FSD1: variants seen among roughly 807,000 people sequenced by gnomAD.
FSD1 encodes fibronectin type III and SPRY domain-containing protein 1.
FSD1 carries 23 observed loss-of-function variants against 58.2 expected under a neutral mutation model. The observed-to-expected ratio is 0.40, with a 90% CI of 0.28 to 0.56. FSD1 has a LOEUF of 0.56. FSD1 is among the 20% of genes least tolerant of loss of function. The pLI is 0.54. For missense variants in FSD1, 563 were observed against 670.8 expected (o/e 0.84, Z 1.78); for synonymous variants, 265 against 263.4 (o/e 1.01, Z -0.06).
At chr19:4,318,166 T>C (rs988100157) in intron 8 of FSD1, among the ~76,000 whole-genome samples, 180 bp from the exon 9 acceptor site, 7 of 151,562 alleles carry the variant, frequency 4.6e-5, no homozygotes, top group Non-Finnish European at 7.4e-5. Flanking sequence ...TCCATCTCTA[T>C]ATCTGTCTCT....
intron 10 of FSD1, 129 bp from the exon 11 acceptor site, chr19:4,322,857 C>G (rs985771996): frequency 1.7e-6 from 2 of 1,165,110 alleles, no homozygotes; most frequent in African/African-American, 3.1e-5. Flanking sequence ...AGCTAGGAAC[C>G]TGGGGAGTGT....
intron 6 of FSD1, chr19:4,311,596 A>G (rs535215493): frequency 1.3e-5 from 6 of 453,772 alleles, no homozygotes; most frequent in South Asian, 4.4e-5. Flanking sequence ...AGGCAGGAGA[A>G]TCGCTTGAAC....
At position 4,311,763 on chromosome 19, in the gene FSD1, T is replaced by C; in HGVS notation, c.491-79T>C. The C allele has an allele frequency of 6.0e-6, 8 of 1,336,536 alleles. No individual in the cohort carries two copies. In the South Asian group the frequency reaches 6.0e-5, roughly 10 times the overall value. The allele number at this position is 1,336,536 out of a possible 1,614,324, so 82.8% of individuals were successfully genotyped here. ...CCCCCAAAATTGTCCAACATGTGGT[T>C]GGGCAGCCCTGCAGCAAGCCCCCTG... On this transcript the variant is annotated intron_variant, in intron 6 of 12. Transcript: ENST00000221856.
chr19:4,312,174 G>T, intron 7 of FSD1, 123 bp downstream of exon 7: 1 of 841,526 alleles, frequency 1.2e-6, no homozygotes, highest in Non-Finnish European at 1.8e-6. Flanking sequence ...TCTGGAAGCA[G>T]CCTGGGGAGG....
intron 3 of FSD1, among the ~76,000 whole-genome samples, chr19:4,307,227 G>A (rs1971632638): frequency 6.6e-6 from 1 of 151,418 alleles, no homozygotes; most frequent in South Asian, 2.1e-4. Flanking sequence ...GCTCATTTTT[G>A]TATTTTTTGG....
rs1378430978 is a variant in FSD1, at chr19:4,310,302, C to T, written c.368+7C>T. On this transcript the variant is annotated splice_region_variant and intron_variant, in intron 5 of 12. Transcript: ENST00000221856. ...CCAAGCAAATCAAAGATGGGTAAGA[C>T]ACTGGGGTCTGGCCCCCACCCCACT... 1.9e-6 allele frequency: 3 copies of T among 1,613,938 alleles called. No individual in the cohort carries two copies. The highest frequency in any genetic ancestry group is 2.5e-6 in the Non-Finnish European group (3 of 1,179,878).
intron 3 of FSD1, 144 bp downstream of exon 3, chr19:4,306,473 T>TC: frequency 1.2e-5 from 3 of 246,542 alleles, no homozygotes; most frequent in South Asian, 1.0e-4. Context: ...ACACTCTCTC[T>TC]TTTTTTTTTT....
At chr19:4,308,237 A>C (rs1971645072) in intron 4 of FSD1, among the ~76,000 whole-genome samples, 1 of 151,846 alleles carries the variant, frequency 6.6e-6, no homozygotes, top group Non-Finnish European at 1.5e-5. Flanking sequence ...GGGAAACCCC[A>C]TCTCTACTAA....
In FSD1 at chr19:4,306,286, T is replaced by C. The variant is rs1326835929; in HGVS notation, c.200T>C (p.Met67Thr). The change falls in exon 3 of 13, where the codon ATG becomes ACG. Residue 67 changes from methionine (M) to threonine (T), a missense_variant. Physicochemically the swap from Met to Thr is moderately conservative, Grantham distance 81 (BLOSUM62 -1). Transcript: ENST00000221856. Reference protein sequence around the residue: ...LLEELKEGMLMKIKQDRASRT... With the variant: ...LLEELKEGMLTKIKQDRASRT... ...GAGGAGCTGAAAGAAGGCATGCTTA[T>C]GAAGATAAAACAGGACCGTGCCAGC... is the stretch of plus-strand genomic sequence containing the variant. The C allele has an allele frequency of 1.9e-6, 3 of 1,613,962 alleles. No homozygotes were observed. The highest frequency in any genetic ancestry group is 1.3e-5 in the African/African-American group (1 of 74,892).
chr19:4,323,126 C>T lies in FSD1; in HGVS notation c.1180C>T (p.His394Tyr). 1.9e-6 allele frequency: 3 copies of T among 1,606,586 alleles called. No homozygotes were observed. The highest frequency in any genetic ancestry group is 1.7e-6 in the Non-Finnish European group (2 of 1,179,766). Reference protein sequence around the residue: ...LGKTAASWCLHVNNWLQVSFT... With the variant: ...LGKTAASWCLYVNNWLQVSFT... Reference sequence around the variant, plus strand: ...CAAGACGGCCGCCTCCTGGTGCCTGCACGTCAACAATTGGCTGCAGGTCAG... The same window carrying T: ...CAAGACGGCCGCCTCCTGGTGCCTGTACGTCAACAATTGGCTGCAGGTCAG... Residue 394 changes from histidine (H) to tyrosine (Y), a missense_variant, in exon 11 of 13, where the codon CAC becomes TAC. Physicochemically the swap from His to Tyr is moderately conservative, Grantham distance 83. Transcript: ENST00000221856. The surrounding 1 kb of genome is among the most constrained non-coding windows in gnomAD (Gnocchi z 7.7).
chr19:4,313,336 G>A (rs933854110), intron 7 of FSD1, among the ~76,000 whole-genome samples: 3 of 151,200 alleles, frequency 2.0e-5, no homozygotes, highest in African/African-American at 7.3e-5. Context: ...GCGAGACCCT[G>A]TCTCTACTAA....
At chr19:4,308,213 G>T (rs1971644756) in intron 4 of FSD1, among the ~76,000 whole-genome samples, 1 of 151,930 alleles carries the variant, frequency 6.6e-6, no homozygotes, top group Non-Finnish European at 1.5e-5. Context: ...TTCAAGACTA[G>T]CCTGGCCAAC....
chr19:4,317,154 G>T, intron 7 of FSD1, 28 bp from the exon 8 acceptor site: 2 of 1,232,258 alleles, frequency 1.6e-6, no homozygotes, highest in Non-Finnish European at 2.4e-6. Flanking sequence ...ATAATACACA[G>T]TGTTGAAATG....
At position 4,318,195 on chromosome 19, in the gene FSD1, C is replaced by T. The variant is rs1599540574; in HGVS notation, c.800-151C>T. The T allele has an allele frequency of 3.3e-6, 3 of 921,592 alleles. No individual in the cohort carries two copies. In the East Asian group the frequency reaches 7.9e-5, roughly 24 times the overall value. The allele number at this position is 921,592 out of a possible 1,614,324, so 57.1% of individuals were successfully genotyped here. A position where few individuals can be genotyped will look rare whatever the true frequency, so the allele number is the denominator to read the frequency against. On this transcript the variant is annotated intron_variant, in intron 8 of 12. Coordinates refer to ENST00000221856, the MANE Select transcript of FSD1 (RefSeq NM_024333.3). ...TGTCTCTCTCCGAGGCTTCGTCAGT[C>T]TCTTATCTCTGTCTTGGACTCTTAT...
At chr19:4,305,415 C>T (rs891038667) in intron 1 of FSD1, among the ~76,000 whole-genome samples, 8 of 151,974 alleles carry the variant, frequency 5.3e-5, no homozygotes, top group African/African-American at 1.9e-4. Flanking sequence ...AGAACCCTTT[C>T]CCCAGGTTAG....
At chr19:4,322,009 C>G (rs1568382507) in intron 10 of FSD1, among the ~76,000 whole-genome samples, 4 of 146,160 alleles carry the variant, frequency 2.7e-5, no homozygotes, top group East Asian at 2.1e-4. Flanking sequence ...TAACTTGGAC[C>G]CCAAGGAGTA....
At chr19:4,314,101 G>A (rs1404122495) in intron 7 of FSD1, among the ~76,000 whole-genome samples, 1 of 152,128 alleles carries the variant, frequency 6.6e-6, no homozygotes, top group African/African-American at 2.4e-5. Context: ...CTGGCTGACG[G>A]GTTTAACTAT....
At chr19:4,317,107 C>A in intron 7 of FSD1, 75 bp from the exon 8 acceptor site, 1 of 852,580 alleles carries the variant, frequency 1.2e-6, no homozygotes, top group African/African-American at 1.7e-5. Flanking sequence ...CACTGTGGGA[C>A]ATGACAGCTT....
Position 4,323,501 on chromosome 19 carries a change from A to AGGGGGG in FSD1, c.1381-31_1381-30insGGGGGG. On this transcript the variant is annotated intron_variant, in intron 12 of 12. Coordinates refer to ENST00000221856, the MANE Select transcript of FSD1 (RefSeq NM_024333.3). This position sits in a 1 kb window ranked among gnomAD's most constrained non-coding sequence, Gnocchi z 7.7. ...TGCTGGGCGCTGGGGTTTGAAGCTGAGCCCCTCCCCCCTCCCCCCGCTGTC... is the reference window on the plus strand; with the variant it reads ...TGCTGGGCGCTGGGGTTTGAAGCTGAGGGGGGGCCCCTCCCCCCTCCCCCCGCTGTC... 3 of 1,412,760 alleles carry AGGGGGG rather than the reference A, an allele frequency of 2.1e-6. No homozygotes were observed. The highest frequency in any genetic ancestry group is 3.0e-6 in the Non-Finnish European group (3 of 998,326). The allele number at this position is 1,412,760 out of a possible 1,614,324, so 87.5% of individuals were successfully genotyped here.
Sources: allele counts gnomAD v4.1 joint callset (sites outside exome capture counted in the v4.1 genomes callset), GRCh38; gene constraint gnomAD v4.1.1; non-coding constraint Gnocchi (gnomAD v3.1); transcripts MANE v1.5; gene names NCBI Gene and HGNC (gene_info 2026-07-23, HGNC 2026-07-21).